RSPO2: variants seen among roughly 807,000 people sequenced by gnomAD.
RSPO2 encodes the protein R-spondin-2.
RSPO2 carries 14 observed loss-of-function variants against 30.9 expected under a neutral mutation model. That is an observed-to-expected ratio of 0.45 (90% CI 0.30 to 0.71). RSPO2 has a LOEUF of 0.71. Among genes scored for constraint, RSPO2 ranks in the 30% least tolerant of loss-of-function variants. The probability of loss-of-function intolerance (pLI) is 0.08; values close to 1 mark genes in which losing one functional copy is unlikely to be tolerated. For synonymous variants in RSPO2, 107 were observed against 96.4 expected (o/e 1.11, Z -0.64); for missense variants, 264 against 301.9 (o/e 0.87, Z 0.93).
chr8:108,069,981 AT>A (rs2130722354), intron 2 of RSPO2, among the ~76,000 whole-genome samples: 1 of 152,380 alleles, frequency 6.6e-6, no homozygotes, highest in Non-Finnish European at 1.5e-5. Context: ...GGTATAACCC[AT>A]GCTGATTATA....
At chr8:108,082,847 G>C in intron 1 of RSPO2, 40 bp from the exon 2 acceptor site, 1 of 532,082 alleles carries the variant, frequency 1.9e-6, no homozygotes, top group South Asian at 2.8e-5. Context: ...GTGGGGGATG[G>C]AGAGAGCCCC....
chr8:108,020,483 A>G (rs1434263789), intron 2 of RSPO2, among the ~76,000 whole-genome samples: 1 of 152,200 alleles, frequency 6.6e-6, no homozygotes, highest in Non-Finnish European at 1.5e-5. Flanking sequence ...AGTCTGAGCT[A>G]TGTCTCATCT....
intron 2 of RSPO2, among the ~76,000 whole-genome samples, chr8:107,999,002 C>T (rs938189494): frequency 2.6e-5 from 4 of 152,040 alleles, no homozygotes; most frequent in East Asian, 3.9e-4. Flanking sequence ...TGGGATCGTG[C>T]GCCACTGTAC....
intron 2 of RSPO2, among the ~76,000 whole-genome samples, chr8:108,081,577 C>A (rs1013362662): frequency 6.6e-6 from 1 of 152,184 alleles, no homozygotes; most frequent in African/African-American, 2.4e-5. Flanking sequence ...TAAATCCACC[C>A]AGAAAATTGA....
rs1429320861 is a variant in RSPO2, at chr8:107,958,154, A to G, written c.542T>C (p.Val181Ala). 2.5e-6 allele frequency: 4 copies of G among 1,613,788 alleles called. No individual in the cohort carries two copies. Among genetic ancestry groups the G allele is most frequent in the Non-Finnish European group, 3.4e-6 (4 of 1,179,764 alleles). ...TRTRQIVKKP[V>A]KDTILCPTIA... is the part of the protein sequence containing the mutation. ...GGTTGGACACAGTATTGTGTCTTTC[A>G]CTGGCTTTTTAACAATTTGCCGTGT... The change falls in exon 5 of 6, where the codon GTG becomes GCG. Residue 181 changes from valine to alanine, a missense_variant. Coordinates refer to ENST00000276659, the MANE Select transcript of RSPO2 (RefSeq NM_178565.5).
chr8:108,019,019 T>C (rs949341465), intron 2 of RSPO2, among the ~76,000 whole-genome samples: 65 of 152,182 alleles, frequency 4.3e-4, no homozygotes, highest in Non-Finnish European at 4.4e-5. Flanking sequence ...AAGATGTACA[T>C]AGAAGCAAAC....
chr8:107,986,853 C>A (rs962836077), intron 3 of RSPO2, among the ~76,000 whole-genome samples: 8 of 152,170 alleles, frequency 5.3e-5, no homozygotes, highest in Non-Finnish European at 8.8e-5. Flanking sequence ...GAAATCTGAA[C>A]AGGAATCCTT....
intron 2 of RSPO2, among the ~76,000 whole-genome samples, chr8:108,046,777 C>A (rs1247609453): frequency 2.6e-5 from 4 of 152,152 alleles, no homozygotes; most frequent in African/African-American, 9.7e-5. Context: ...TTTAAATATT[C>A]ACCCTATTAA....
chr8:107,922,913 G>A (rs1365180103), intron 5 of RSPO2, among the ~76,000 whole-genome samples: 1 of 151,914 alleles, frequency 6.6e-6, no homozygotes, highest in African/African-American at 2.4e-5. Context: ...CTTCCTTACA[G>A]CATATAAAAA....
chr8:108,005,686 T>G (rs1342768956), intron 2 of RSPO2, among the ~76,000 whole-genome samples: 2 of 152,202 alleles, frequency 1.3e-5, no homozygotes, highest in Non-Finnish European at 2.9e-5. Flanking sequence ...AGTTGTATTT[T>G]ATGTGCATAC....
At chr8:108,009,810 G>A (rs1012832238) in intron 2 of RSPO2, among the ~76,000 whole-genome samples, 8 of 152,104 alleles carry the variant, frequency 5.3e-5, no homozygotes, top group Admixed American at 2.6e-4. Flanking sequence ...AGCACTTTGG[G>A]AGGTTAAGGT....
intron 5 of RSPO2, among the ~76,000 whole-genome samples, chr8:107,906,130 T>C (rs183016252): frequency 3.9e-4 from 59 of 151,966 alleles, no homozygotes; most frequent in African/African-American, 1.4e-3. Context: ...TGCCAATGTG[T>C]AGAAAAGTAA....
intron 3 of RSPO2, among the ~76,000 whole-genome samples, chr8:107,965,400 T>A (rs1454116000): frequency 6.6e-6 from 1 of 152,176 alleles, no homozygotes; most frequent in East Asian, 1.9e-4. Context: ...GTACGGGCTC[T>A]AATATAACAT....
intron 3 of RSPO2, among the ~76,000 whole-genome samples, chr8:107,969,192 C>T (rs1813914554): frequency 6.6e-6 from 1 of 152,046 alleles, no homozygotes; most frequent in African/African-American, 2.4e-5. Flanking sequence ...AAAATCCTGA[C>T]GTAGGCTGTG....
intron 2 of RSPO2, among the ~76,000 whole-genome samples, chr8:107,992,738 A>G (rs1306030663): frequency 6.6e-6 from 1 of 152,208 alleles, no homozygotes; most frequent in Non-Finnish European, 1.5e-5. Flanking sequence ...GATTATCTAG[A>G]TAAGGATAAA....
chr8:107,919,976 C>T (rs578238730), intron 5 of RSPO2, among the ~76,000 whole-genome samples: 73 of 152,226 alleles, frequency 4.8e-4, no homozygotes, highest in Non-Finnish European at 9.0e-4. Context: ...CTTCAAGCGT[C>T]CAGTATTTTA....
chr8:108,079,279 C>A (rs1237038402), intron 2 of RSPO2, among the ~76,000 whole-genome samples: 1 of 152,016 alleles, frequency 6.6e-6, no homozygotes, highest in Non-Finnish European at 1.5e-5. Context: ...TGTGTTTGTG[C>A]CTAATTAATT....
At position 108,004,026 on chromosome 8, in the gene RSPO2, C is replaced by A. The variant is rs188472639; in HGVS notation, c.95-14782G>T. Among the ~76,000 whole-genome samples the A allele has an allele frequency of 2.9e-3, 440 of 152,276 alleles. 5 individuals are homozygous for A. The highest frequency in any genetic ancestry group is 0.013 in the South Asian group (64 of 4,818). ...TCCTTTCCTCCGTTTTTAGCTACAACAAAATAATCAAAGTTCCTTTTGATG... is the reference window on the plus strand; with the variant it reads ...TCCTTTCCTCCGTTTTTAGCTACAAAAAAATAATCAAAGTTCCTTTTGATG... On this transcript the variant is annotated intron_variant, in intron 2 of 5. Transcript: ENST00000276659.
At chr8:108,044,514 C>T (rs1411959928) in intron 2 of RSPO2, among the ~76,000 whole-genome samples, 3 of 152,096 alleles carry the variant, frequency 2.0e-5, no homozygotes, top group East Asian at 1.9e-4. Flanking sequence ...CCTAAAGCTG[C>T]GTCCATATTC....
Sources: gnomAD v4.1 joint callset for allele counts (sites outside exome capture counted in the v4.1 genomes callset) on GRCh38, gnomAD v4.1.1 for gene constraint, MANE v1.5 for transcripts, NCBI Gene and HGNC (gene_info 2026-07-23, HGNC 2026-07-21) for gene names.